The following PDE4D variants were observed in gnomAD, a reference collection of about 807,000 sequenced individuals.
PDE4D encodes 3',5'-cyclic-AMP phosphodiesterase 4D.
PDE4D carries 24 observed loss-of-function variants against 87.4 expected under a neutral mutation model. The observed-to-expected ratio is 0.27, with a 90% CI of 0.20 to 0.39. PDE4D has a LOEUF of 0.39. PDE4D is among the 10% of genes least tolerant of loss of function. The pLI, the probability that PDE4D is intolerant of heterozygous loss-of-function variation, is 1.00. For missense variants in PDE4D, 714 were observed against 1,041.0 expected (o/e 0.69, Z 4.32); for synonymous variants, 384 against 383.2 (o/e 1.00, Z -0.02).
chr5:59,093,520 C>G (rs967244723), intron 5 of PDE4D, among the ~76,000 whole-genome samples: 1 of 152,230 alleles, frequency 6.6e-6, no homozygotes, highest in Admixed American at 6.5e-5. Flanking sequence ...AGGCGCAAAT[C>G]TCGCAGGCAG....
At chr5:60,208,592 T>G (rs1188488768) in intron 1 of PDE4D, among the ~76,000 whole-genome samples, 4 of 152,188 alleles carry the variant, frequency 2.6e-5, no homozygotes, top group Non-Finnish European at 4.4e-5. Flanking sequence ...AGCTCCAACC[T>G]GGCAGCACCA....
chr5:59,969,885 C>T lies in PDE4D; in HGVS notation c.272+18603G>A, dbSNP rs187926869. On this transcript the variant is annotated intron_variant, in intron 3 of 16. Transcript: ENST00000502484. Reference sequence around the variant, plus strand: ...AACCTCTTTCTTTTGTAAATTACCCCGTCTAGGGCAGTTCTTTATAGCAGT... The same window carrying T: ...AACCTCTTTCTTTTGTAAATTACCCTGTCTAGGGCAGTTCTTTATAGCAGT... Among the ~76,000 whole-genome samples the T allele has an allele frequency of 2.0e-3, 308 of 152,234 alleles. 2 individuals carry two copies. The highest frequency in any genetic ancestry group is 6.8e-3 in the Middle Eastern group (2 of 294).
At chr5:59,384,022 G>A (rs983084646) in intron 1 of PDE4D, among the ~76,000 whole-genome samples, 43 of 152,108 alleles carry the variant, frequency 2.8e-4, no homozygotes, top group African/African-American at 1.0e-3. Flanking sequence ...CCAAGTAGCT[G>A]AGACTACAGG....
intron 1 of PDE4D, among the ~76,000 whole-genome samples, chr5:59,796,072 T>C (rs569096794): frequency 3.3e-4 from 50 of 152,302 alleles, no homozygotes; most frequent in African/African-American, 1.2e-3. Flanking sequence ...AGACAATGCA[T>C]TTTGGCTGTT....
intron 1 of PDE4D, among the ~76,000 whole-genome samples, chr5:59,762,256 A>G (rs1286289426): frequency 8.8e-6 from 1 of 113,622 alleles, no homozygotes; most frequent in Non-Finnish European, 2.0e-5. Flanking sequence ...ATGGGTACAC[A>G]TATGCGTATA....
intron 6 of PDE4D, among the ~76,000 whole-genome samples, chr5:59,019,520 A>C (rs1486113103): frequency 1.3e-5 from 2 of 152,144 alleles, no homozygotes; most frequent in Non-Finnish European, 2.9e-5. Context: ...CTGGTCCTAT[A>C]ATCACATCCT....
intron 1 of PDE4D, among the ~76,000 whole-genome samples, chr5:59,346,620 C>T (rs1457231462): frequency 1.3e-5 from 2 of 151,992 alleles, no homozygotes; most frequent in Non-Finnish European, 2.9e-5. Context: ...AGGAAAAAAA[C>T]CTGACGTTCC....
Position 58,974,526 on chromosome 5 carries a change from A to T in PDE4D, c.*138T>A. The T allele has an allele frequency of 1.4e-6, 1 of 732,864 alleles. No individual in the cohort carries two copies. The highest frequency in any genetic ancestry group is 2.2e-6 in the Non-Finnish European group (1 of 450,560). 45.4% of individuals were successfully genotyped at this position (732,864 alleles called of 1,614,324 possible). A position where few individuals can be genotyped will look rare whatever the true frequency, so the allele number is the denominator to read the frequency against. On this transcript the variant is annotated 3_prime_UTR_variant, in exon 15 of 15. Transcript: ENST00000340635. ...TACGATATTCCTGAGCGCTGGACTG[A>T]GTAGTCAAGGTCAGTTTTGTTCAAC...
intron 1 of PDE4D, among the ~76,000 whole-genome samples, chr5:60,226,497 C>A (rs915341343): frequency 6.6e-6 from 1 of 152,020 alleles, no homozygotes; most frequent in African/African-American, 2.4e-5. Flanking sequence ...TGCCTTGACT[C>A]CAGATAGTTT....
intron 2 of PDE4D, among the ~76,000 whole-genome samples, chr5:60,094,767 G>A (rs1352977136): frequency 6.6e-6 from 1 of 151,834 alleles, no homozygotes; most frequent in African/African-American, 2.4e-5. Flanking sequence ...AACGCTACTG[G>A]CACCTTGATT....
intron 1 of PDE4D, among the ~76,000 whole-genome samples, chr5:59,293,093 TA>T (rs1403693473): frequency 6.6e-6 from 1 of 152,132 alleles, no homozygotes; most frequent in Non-Finnish European, 1.5e-5. Flanking sequence ...ACCTAAAATT[TA>T]GCTGGGAAGA....
chr5:59,703,736 C>G (rs904732595), intron 1 of PDE4D: 1 of 411,992 alleles, frequency 2.4e-6, no homozygotes. Context: ...GAGAGATTTG[C>G]TAGTGGTGTT....
At chr5:60,195,283 A>G (rs1311650074) in intron 1 of PDE4D, among the ~76,000 whole-genome samples, 2 of 151,714 alleles carry the variant, frequency 1.3e-5, no homozygotes, top group Non-Finnish European at 2.9e-5. Context: ...GTCAAATTAC[A>G]TCAAAATGAT....
rs148679608 is a variant in PDE4D, at chr5:59,038,361, C to A, written c.921+498G>T. On this transcript the variant is annotated intron_variant, in intron 6 of 14. Coordinates refer to ENST00000340635, the MANE Select transcript of PDE4D (RefSeq NM_001104631.2). ...CTTCTAACTCTGTTAATGTTTCCTG[C>A]GGATATGTATGGCCAACTGAATATA... Among the ~76,000 whole-genome samples the A allele has an allele frequency of 2.2e-3, 334 of 152,258 alleles. 1 individual carries two copies. The highest frequency in any genetic ancestry group is 7.7e-3 in the African/African-American group (320 of 41,540).
At position 59,397,758 on chromosome 5, in the gene PDE4D, C is replaced by CA. The variant is rs1325317617; in HGVS notation, c.456-181791dup. Among the ~76,000 whole-genome samples the CA allele has an allele frequency of 4.4e-3, 342 of 77,388 alleles. 20 individuals are homozygous for CA. Among genetic ancestry groups the CA allele is most frequent in the African/African-American group, 0.017 (331 of 19,554 alleles). The allele number at this position is 77,388 out of a possible 152,430, so 50.8% of individuals were successfully genotyped here. A position where few individuals can be genotyped will look rare whatever the true frequency, so the allele number is the denominator to read the frequency against. On this transcript the variant is annotated intron_variant, in intron 1 of 14. Coordinates refer to ENST00000340635, the MANE Select transcript of PDE4D (RefSeq NM_001104631.2). ...AGCAGAACTGAAGGAAATAGAGACACAAAAAACCCTTCAAAAAATTAATGA... is the reference window on the plus strand; with the variant it reads ...AGCAGAACTGAAGGAAATAGAGACACAAAAAAACCCTTCAAAAAATTAATGA...
chr5:60,094,510 G>A (rs1364344462), intron 2 of PDE4D, among the ~76,000 whole-genome samples: 1 of 150,332 alleles, frequency 6.7e-6, no homozygotes, highest in Non-Finnish European at 1.5e-5. Flanking sequence ...GATTTGGTTT[G>A]GAGATAAAGT....
At chr5:59,419,471 T>C (rs1423084782) in intron 1 of PDE4D, among the ~76,000 whole-genome samples, 1 of 152,248 alleles carries the variant, frequency 6.6e-6, no homozygotes, top group Non-Finnish European at 1.5e-5. Context: ...TATTTATGTT[T>C]AGCACTTATC....
At chr5:60,150,238 G>C (rs1320280075) in intron 2 of PDE4D, among the ~76,000 whole-genome samples, 3 of 151,798 alleles carry the variant, frequency 2.0e-5, no homozygotes, top group South Asian at 4.2e-4. Flanking sequence ...AATAGTAAGA[G>C]ATCATGGACT....
At chr5:59,947,233 A>G (rs916441541) in intron 3 of PDE4D, among the ~76,000 whole-genome samples, 1 of 152,224 alleles carries the variant, frequency 6.6e-6, no homozygotes, top group African/African-American at 2.4e-5. Context: ...CAGTTCTTCC[A>G]GCACTTTTGT....
Sources: allele counts gnomAD v4.1 joint callset (sites outside exome capture counted in the v4.1 genomes callset), GRCh38; gene constraint gnomAD v4.1.1; transcripts MANE v1.5; gene names NCBI Gene and HGNC (gene_info 2026-07-23, HGNC 2026-07-21).